CDH8: variants seen among roughly 807,000 people sequenced by gnomAD.
CDH8 encodes cadherin-8.
In CDH8, 17 loss-of-function variants were observed where a neutral mutation model predicts 68.1. The ratio of observed to expected loss-of-function variants is 0.25; its 90% CI spans 0.17 to 0.37. CDH8 has a LOEUF of 0.37. Among genes scored for constraint, CDH8 ranks in the 10% least tolerant of loss-of-function variants. CDH8 has a pLI of 1.00. For missense variants in CDH8, 763 were observed against 999.3 expected, an observed-to-expected ratio of 0.76 and a Z score of 3.19; for synonymous variants, 372 against 365.1, an observed-to-expected ratio of 1.02 and a Z score of -0.21.
At chr16:61,763,739 G>A (rs1263623323) in intron 8 of CDH8, among the ~76,000 whole-genome samples, 1 of 152,070 alleles carries the variant, frequency 6.6e-6, no homozygotes, top group Non-Finnish European at 1.5e-5. Flanking sequence ...TCAAGGGAAG[G>A]GTAGTTTTTA....
At chr16:61,721,313 A>G (rs1270177341) in intron 9 of CDH8, among the ~76,000 whole-genome samples, 3 of 150,884 alleles carry the variant, frequency 2.0e-5, no homozygotes, top group Non-Finnish European at 4.5e-5. Flanking sequence ...GAGGCTATCA[A>G]TTTCATCTGT....
chr16:61,923,801 T>G (rs964463832), intron 2 of CDH8, among the ~76,000 whole-genome samples: 1 of 147,612 alleles, frequency 6.8e-6, no homozygotes, highest in Non-Finnish European at 1.5e-5. Context: ...GTGATAAATA[T>G]ATAATATTTA....
Position 61,913,642 on chromosome 16 carries a change from T to G in CDH8, c.253-12169A>C, listed in dbSNP as rs571714344. ...GTGTGTGCATGTGTACGTTTCTCCC[T>G]TCTCCATTCCACAAACAAAACTTGA... On this transcript the variant is annotated intron_variant, in intron 2 of 11. Transcript: ENST00000577390. 5.9e-5 allele frequency among the ~76,000 whole-genome samples: 9 copies of G among 152,190 alleles called. No individual in the cohort carries two copies. The South Asian group carries it at 1.9e-3, about 32-fold the overall frequency.
At chr16:61,681,259 T>C (rs1347564262) in intron 10 of CDH8, among the ~76,000 whole-genome samples, 3 of 151,880 alleles carry the variant, frequency 2.0e-5, no homozygotes, top group Admixed American at 6.6e-5. Context: ...GTCACCAAAA[T>C]GTAAGAACAA....
At chr16:62,007,079 T>C (rs1965987588) in intron 2 of CDH8, among the ~76,000 whole-genome samples, 1 of 152,126 alleles carries the variant, frequency 6.6e-6, no homozygotes, top group Admixed American at 6.5e-5. Flanking sequence ...GGGTAACTTT[T>C]GTATTTTTAG....
chr16:61,751,723 T>C (rs1307775100), intron 8 of CDH8, among the ~76,000 whole-genome samples: 1 of 152,118 alleles, frequency 6.6e-6, no homozygotes, highest in Non-Finnish European at 1.5e-5. Flanking sequence ...TTCCTTTCCC[T>C]GTCCTTCACT....
At chr16:61,973,938 G>T (rs530432277) in intron 2 of CDH8, among the ~76,000 whole-genome samples, 2 of 152,090 alleles carry the variant, frequency 1.3e-5, no homozygotes, top group East Asian at 1.9e-4. Flanking sequence ...TCAGGTTTGC[G>T]TTGTCAGACT....
At chr16:61,926,110 T>C (rs181938192) in intron 2 of CDH8, among the ~76,000 whole-genome samples, 45 of 150,996 alleles carry the variant, frequency 3.0e-4, no homozygotes, top group African/African-American at 1.0e-3. Flanking sequence ...CACAAACTAA[T>C]AAGAAGCAGA....
chr16:61,738,974 C>G (rs927065248), intron 8 of CDH8, among the ~76,000 whole-genome samples: 1 of 152,114 alleles, frequency 6.6e-6, no homozygotes, highest in Non-Finnish European at 1.5e-5. Flanking sequence ...GTTTACATAT[C>G]TCTTATTTTT....
intron 8 of CDH8, among the ~76,000 whole-genome samples, chr16:61,774,585 T>G (rs2142990210): frequency 6.6e-6 from 1 of 152,086 alleles, no homozygotes; most frequent in South Asian, 2.1e-4. Flanking sequence ...TGCCAATCAA[T>G]TAATAGTGTC....
intron 10 of CDH8, among the ~76,000 whole-genome samples, chr16:61,671,993 C>T (rs1555501403): frequency 1.3e-5 from 2 of 152,186 alleles, no homozygotes; most frequent in East Asian, 3.9e-4. Flanking sequence ...TTGTTGTACA[C>T]TATAGAGAAA....
chr16:61,995,941 A>C (rs909004830), intron 2 of CDH8, among the ~76,000 whole-genome samples: 2 of 152,196 alleles, frequency 1.3e-5, no homozygotes, highest in Admixed American at 1.3e-4. Context: ...GAATGTATGA[A>C]ATCTTCAGAT....
At chr16:61,712,759 C>G (rs571559255) in intron 10 of CDH8, among the ~76,000 whole-genome samples, 1 of 151,578 alleles carries the variant, frequency 6.6e-6, no homozygotes, top group South Asian at 2.1e-4. Flanking sequence ...TATATAACAA[C>G]TGTCATTTCC....
At chr16:61,675,876 C>A (rs1417757430) in intron 10 of CDH8, among the ~76,000 whole-genome samples, 1 of 150,596 alleles carries the variant, frequency 6.6e-6, no homozygotes, top group Non-Finnish European at 1.5e-5. Flanking sequence ...AAACTTTAGA[C>A]TAATGACAAT....
At chr16:61,850,418 C>T (rs1174501291) in intron 4 of CDH8, among the ~76,000 whole-genome samples, 2 of 151,924 alleles carry the variant, frequency 1.3e-5, no homozygotes, top group Non-Finnish European at 2.9e-5. Context: ...CACATTTCAA[C>T]ATAAGATTAG....
chr16:61,922,459 A>G (rs557411689), intron 2 of CDH8, among the ~76,000 whole-genome samples: 115 of 152,314 alleles, frequency 7.6e-4, no homozygotes, highest in African/African-American at 2.6e-3. Flanking sequence ...AGACATATAA[A>G]GAGAGAACTA....
At chr16:61,891,252 A>G (rs1452303150) in intron 3 of CDH8, among the ~76,000 whole-genome samples, 1 of 152,106 alleles carries the variant, frequency 6.6e-6, no homozygotes, top group African/African-American at 2.4e-5. Context: ...AAAATGTAAT[A>G]TTATAATTTA....
chr16:61,817,589 C>T lies in CDH8; in HGVS notation c.1167G>A (p.Pro389=), dbSNP rs551243066. The change falls in exon 7 of 12, where the codon CCG becomes CCA. Residue 389 remains proline (P), a synonymous_variant. Transcript: ENST00000577390. ...GTAGGTAAGTCGGTGAAGAGAAGACCGGAGGCTCATCAGCATCTTCAACCA... is the reference window on the plus strand; with the variant it reads ...GTAGGTAAGTCGGTGAAGAGAAGACTGGAGGCTCATCAGCATCTTCAACCA... ...KIVVEDADEP[P]VFSSPTYLLE... The T allele has an allele frequency of 2.9e-5, 47 of 1,613,880 alleles. No homozygotes were observed. The highest frequency in any genetic ancestry group is 2.4e-4 in the South Asian group (22 of 91,068).
At chr16:61,739,475 A>G (rs942164224) in intron 8 of CDH8, among the ~76,000 whole-genome samples, 1 of 151,164 alleles carries the variant, frequency 6.6e-6, no homozygotes, top group Non-Finnish European at 1.5e-5. Flanking sequence ...CAAAATGAAG[A>G]TTTTTTTTTC....
Sources: allele counts gnomAD v4.1 joint callset (sites outside exome capture counted in the v4.1 genomes callset), GRCh38; gene constraint gnomAD v4.1.1; transcripts MANE v1.5; gene names NCBI Gene and HGNC (gene_info 2026-07-23, HGNC 2026-07-21).